PCDHGB1: variants seen among roughly 807,000 people sequenced by gnomAD.
PCDHGB1 encodes the protein protocadherin gamma-B1.
PCDHGB1 carries 34 observed loss-of-function variants against 56.6 expected under a neutral mutation model. The ratio of observed to expected loss-of-function variants is 0.60; its 90% CI spans 0.46 to 0.80. The LOEUF (loss-of-function observed/expected upper bound fraction) is 0.80, where lower values mean the gene tolerates loss of function less well. PCDHGB1 is among the 30% of genes least tolerant of loss of function. The pLI is 0.00. For synonymous variants in PCDHGB1, 561 were observed against 505.9 expected (o/e 1.11, Z -1.46); for missense variants, 1,278 against 1,204.6 (o/e 1.06, Z -0.90).
intron 1 of PCDHGB1, among the ~76,000 whole-genome samples, chr5:141,469,375 G>C (rs942714664): frequency 2.0e-5 from 3 of 152,076 alleles, no homozygotes; most frequent in African/African-American, 7.2e-5. Flanking sequence ...AAGAGATCGA[G>C]ACCATCCTGG....
intron 1 of PCDHGB1, chr5:141,414,780 G>A (rs2095787223): frequency 1.2e-6 from 2 of 1,614,232 alleles, no homozygotes; most frequent in Non-Finnish European, 1.7e-6. Context: ...TACAGATGCA[G>A]GTGACAGCCA....
In PCDHGB1 at chr5:141,511,224, G is replaced by T. The variant is rs752401867; in HGVS notation, c.*51G>T. On this transcript the variant is annotated 3_prime_UTR_variant, in exon 4 of 4. Coordinates refer to ENST00000523390, the MANE Select transcript of PCDHGB1 (RefSeq NM_018922.3). ...GGGCGGCCTCTCCCCAACCAGCCCA[G>T]CTTCTCCTTACCTGCACCCAGGCCT... is the stretch of plus-strand genomic sequence containing the variant. 44 of 1,603,158 alleles carry T rather than the reference G, an allele frequency of 2.7e-5. No individual in the cohort carries two copies. Among genetic ancestry groups the T allele is most frequent in the Non-Finnish European group, 3.6e-5 (42 of 1,174,924 alleles).
At chr5:141,388,658 G>T in intron 1 of PCDHGB1, 7 of 1,613,908 alleles carry the variant, frequency 4.3e-6, no homozygotes, top group Non-Finnish European at 5.9e-6. Context: ...TGTACCCGGG[G>T]ACCACGGTGC....
chr5:141,486,263 G>GAACCTGGC lies in PCDHGB1; in HGVS notation c.2410-8542_2410-8535dup. 6.2e-7 allele frequency: 1 copy of GAACCTGGC among 1,614,090 alleles called. No homozygotes were observed. Among genetic ancestry groups the GAACCTGGC allele is most frequent in the South Asian group, 1.1e-5 (1 of 91,064 alleles). On this transcript the variant is annotated intron_variant, in intron 1 of 3. Coordinates refer to ENST00000523390, the MANE Select transcript of PCDHGB1 (RefSeq NM_018922.3). This position sits in a 1 kb window ranked among gnomAD's most constrained non-coding sequence, Gnocchi z 5.0. ...GCTTGGAACCCTCCCCGAGAGTGCAGAACCTGGCACTGTGGTGGCACTTAT... is the reference window on the plus strand; with the variant it reads ...GCTTGGAACCCTCCCCGAGAGTGCAGAACCTGGCAACCTGGCACTGTGGTGGCACTTAT...
At chr5:141,389,363 C>A (rs776814041) in intron 1 of PCDHGB1, 5 of 1,613,868 alleles carry the variant, frequency 3.1e-6, no homozygotes, top group Non-Finnish European at 4.2e-6. Context: ...TGGCCAGTGA[C>A]CTGGAGCAGC....
In PCDHGB1 at chr5:141,485,520, T is replaced by G. The variant is rs2099615008; in HGVS notation, c.2410-9287T>G. On this transcript the variant is annotated intron_variant, in intron 1 of 3. Transcript: ENST00000523390. This position sits in a 1 kb window ranked among gnomAD's most constrained non-coding sequence, Gnocchi z 5.7. ...TTTGTCACCGAAGGTCCTTTGGAAA[T>G]GTACCGAGCAGAGGTAGAGATCGTA... 1 of 1,614,108 alleles carries G rather than the reference T, an allele frequency of 6.2e-7. No homozygotes were observed. The highest frequency in any genetic ancestry group is 8.5e-7 in the Non-Finnish European group (1 of 1,180,012).
rs1029237740 is a variant in PCDHGB1, at chr5:141,500,358, A to G, written c.2469-5035A>G. ...AGAATAGCTGGGACTACAGGCGCCC[A>G]CTACCACGCCCGGCTAATTATTTTG... On this transcript the variant is annotated intron_variant, in intron 2 of 3. Coordinates refer to ENST00000523390, the MANE Select transcript of PCDHGB1 (RefSeq NM_018922.3). Among the ~76,000 whole-genome samples, 5 of 151,706 alleles carry G rather than the reference A, an allele frequency of 3.3e-5. No homozygotes were observed. In the South Asian group the frequency reaches 6.3e-4, roughly 19 times the overall value.
In PCDHGB1 at chr5:141,352,253, C is replaced by A. The variant is rs752340715; in HGVS notation, c.1993C>A (p.Gln665Lys). 2 of 1,614,100 alleles carry A rather than the reference C, an allele frequency of 1.2e-6. No individual in the cohort carries two copies. Among genetic ancestry groups the A allele is most frequent in the Admixed American group, 3.3e-5 (2 of 60,034 alleles). ...GCACCTAATCTTCGCGGATAGCCTG[C>A]AAGAGGTATTGCCAGACCTCAGCGA... ...TLHLIFADSLQEVLPDLSDRP... is the reference protein window; with the variant it reads ...TLHLIFADSLKEVLPDLSDRP... Residue 665 changes from glutamine (Q) to lysine (K), a missense_variant, in exon 1 of 4, where the codon CAA (glutamine) becomes AAA (lysine). Coordinates refer to ENST00000523390, the MANE Select transcript of PCDHGB1 (RefSeq NM_018922.3).
intron 2 of PCDHGB1, among the ~76,000 whole-genome samples, chr5:141,497,175 A>T (rs2154592067): frequency 6.7e-6 from 1 of 150,262 alleles, no homozygotes; most frequent in East Asian, 1.9e-4. Context: ...AAATCACAGT[A>T]AGTTCTGAGA....
chr5:141,350,507 G>A lies in PCDHGB1; in HGVS notation c.247G>A (p.Val83Met). The A allele has an allele frequency of 6.2e-7, 1 of 1,614,040 alleles. No individual in the cohort carries two copies. Among genetic ancestry groups the A allele is most frequent in the Non-Finnish European group, 8.5e-7 (1 of 1,179,894 alleles). ...NVSLESGDLL[V>M]NGRIDREKIC... The stretch of plus-strand genomic sequence containing the variant: ...TAGTTTGGAGAGCGGGGATTTGTTA[G>A]TGAACGGTAGGATAGATCGAGAGAA... The change falls in exon 1 of 4, where the codon GTG becomes ATG. Residue 83 changes from valine (V) to methionine (M), a missense_variant. Coordinates refer to ENST00000523390, the MANE Select transcript of PCDHGB1 (RefSeq NM_018922.3).
intron 1 of PCDHGB1, chr5:141,409,289 G>A: frequency 1.2e-6 from 2 of 1,613,976 alleles, no homozygotes; most frequent in Middle Eastern, 1.6e-4. Context: ...TTCACCTCCA[G>A]GAATGGTTGT....
intron 1 of PCDHGB1, chr5:141,404,260 T>G: frequency 6.2e-7 from 1 of 1,613,910 alleles, no homozygotes; most frequent in Non-Finnish European, 8.5e-7. Context: ...CCACAGAAAT[T>G]CACATCACCC....
At chr5:141,360,029 G>A in intron 1 of PCDHGB1, 1 of 1,375,698 alleles carries the variant, frequency 7.3e-7, no homozygotes, top group Non-Finnish European at 9.6e-7. Context: ...GGCCAGTATA[G>A]ATTCGGAAAC....
At chr5:141,379,459 C>G (rs1775609883) in intron 1 of PCDHGB1, 1 of 152,182 alleles carries the variant, frequency 6.6e-6, no homozygotes, top group East Asian at 1.9e-4. Flanking sequence ...TTCATAAACT[C>G]TGAAAGTGTG....
intron 1 of PCDHGB1, chr5:141,366,727 A>C: frequency 6.2e-7 from 1 of 1,613,036 alleles, no homozygotes; most frequent in Non-Finnish European, 8.5e-7. Context: ...AGGTAGATGC[A>C]AACAAAGAAG....
intron 1 of PCDHGB1, chr5:141,429,167 T>TATAC (rs1240034860): frequency 3.1e-4 from 42 of 136,210 alleles, no homozygotes; most frequent in African/African-American, 7.0e-4. Flanking sequence ...AGACATTGTT[T>TATAC]ATACACACAC....
chr5:141,398,914 C>G, intron 1 of PCDHGB1: 1 of 1,613,964 alleles, frequency 6.2e-7, no homozygotes, highest in Non-Finnish European at 8.5e-7. Flanking sequence ...CACTGTGTTG[C>G]AAGTGTCAGC....
intron 1 of PCDHGB1, chr5:141,416,995 T>G (rs912921234): frequency 2.0e-5 from 3 of 151,486 alleles, no homozygotes; most frequent in Non-Finnish European, 2.9e-5. Flanking sequence ...TGTGCATTCA[T>G]CTCAAATAAT....
At chr5:141,371,576 C>T in intron 1 of PCDHGB1, 2 of 1,613,882 alleles carry the variant, frequency 1.2e-6, no homozygotes, top group Non-Finnish European at 1.7e-6. Flanking sequence ...CCTTTAAAAT[C>T]GTTCAAGATA....
Sources: gnomAD v4.1 joint callset for allele counts (sites outside exome capture counted in the v4.1 genomes callset) on GRCh38, gnomAD v4.1.1 for gene constraint, Gnocchi (gnomAD v3.1) non-coding constraint, MANE v1.5 for transcripts, NCBI Gene and HGNC (gene_info 2026-07-23, HGNC 2026-07-21) for gene names.